HEG1: variants seen among roughly 807,000 people sequenced by gnomAD.
The protein encoded by HEG1 is protein HEG homolog 1.
A neutral mutation model predicts 125.6 loss-of-function variants in HEG1; 56 were observed. The observed-to-expected ratio is 0.45, with a 90% confidence interval of 0.36 to 0.56. HEG1 has a LOEUF of 0.56. HEG1 is among the 20% of genes least tolerant of loss of function. The probability of loss-of-function intolerance (pLI) is 0.00; values close to 1 mark genes in which losing one functional copy is unlikely to be tolerated. For synonymous variants in HEG1, 644 were observed against 668.5 expected (o/e 0.96, Z 0.57); for missense variants, 1,523 against 1,670.0 (o/e 0.91, Z 1.53).
chr3:124,977,794 AC>A, intron 15 of HEG1, 64 bp downstream of exon 15: 1 of 1,037,618 alleles, frequency 9.6e-7, no homozygotes, highest in South Asian at 1.4e-5. Context: ...GTAAAAGAAT[AC>A]AAACTGACCC....
chr3:124,997,255 C>G (rs1422450815), intron 12 of HEG1, among the ~76,000 whole-genome samples: 2 of 152,162 alleles, frequency 1.3e-5, no homozygotes, highest in Admixed American at 6.5e-5. Context: ...CAAGGTGATA[C>G]ATGATCAGTG....
At chr3:125,024,610 A>G (rs756374690) in intron 3 of HEG1, among the ~76,000 whole-genome samples, 6 of 152,262 alleles carry the variant, frequency 3.9e-5, no homozygotes, top group Non-Finnish European at 5.9e-5. Flanking sequence ...CTCTTTTTAA[A>G]AATCTGATTC....
chr3:124,985,156 G>A (rs1205365382), intron 14 of HEG1, among the ~76,000 whole-genome samples: 5 of 152,058 alleles, frequency 3.3e-5, no homozygotes, highest in Non-Finnish European at 4.4e-5. Context: ...ATTCAGATTC[G>A]GATTCAGTGG....
chr3:125,030,380 G>T (rs1937480643), intron 1 of HEG1, among the ~76,000 whole-genome samples: 1 of 152,204 alleles, frequency 6.6e-6, no homozygotes, highest in African/African-American at 2.4e-5. Flanking sequence ...TGTGGACAAA[G>T]ATTTAGCTGC....
rs1937460542 is a variant in HEG1 at position 125,029,232 on chromosome 3, C to G, written c.573G>C (p.Glu191Asp). The change falls in exon 2 of 17, where the codon GAG becomes GAC. Residue 191 changes from glutamate (E) to aspartate (D), a missense_variant. Glu to Asp is a conservative substitution (Grantham distance 45). Coordinates refer to ENST00000311127, the MANE Select transcript of HEG1 (RefSeq NM_020733.2). Reference sequence around the variant, plus strand: ...TCTGGGAAGTCAGAGCTGTTGCTATCTCCAGTGAGTACCCAACAGGCAAAA... The same window carrying G: ...TCTGGGAAGTCAGAGCTGTTGCTATGTCCAGTGAGTACCCAACAGGCAAAA... Reference protein sequence around the residue: ...FTILPVGYSLEIATALTSQSG... With the variant: ...FTILPVGYSLDIATALTSQSG... 6.2e-7 allele frequency: 1 copy of G among 1,613,242 alleles called. No individual in the cohort carries two copies. The highest frequency in any genetic ancestry group is 8.5e-7 in the Non-Finnish European group (1 of 1,179,668).
At position 124,967,456 on chromosome 3, in the gene HEG1, CA is replaced by C. The variant is rs1423487733; in HGVS notation, c.*3195del. Reference sequence around the variant, plus strand: ...AGCACATTTTCAAAAGGGTAGTCAGCATTTTTTTTTTTTTTTTTTTGCATTT... The same window carrying C: ...AGCACATTTTCAAAAGGGTAGTCAGCTTTTTTTTTTTTTTTTTTTGCATTT... On this transcript the variant is annotated 3_prime_UTR_variant, in exon 17 of 17. Transcript: ENST00000311127. The C allele has an allele frequency of 8.4e-5, 9 of 106,630 alleles. No individual in the cohort carries two copies. Among genetic ancestry groups the C allele is most frequent in the African/African-American group, 7.4e-5 (2 of 26,880 alleles). The allele number at this position is 106,630 out of a possible 1,614,324, so 6.6% of individuals were successfully genotyped here. A position where few individuals can be genotyped will look rare whatever the true frequency, so the allele number is the denominator to read the frequency against.
chr3:125,019,922 C>T (rs1937310788), intron 4 of HEG1, among the ~76,000 whole-genome samples: 1 of 152,080 alleles, frequency 6.6e-6, no homozygotes, highest in Non-Finnish European at 1.5e-5. Context: ...TGGTTATGTA[C>T]AACAAATACA....
rs1937125715 is a variant in HEG1 at position 125,009,833 on chromosome 3, G to A, written c.3074-9C>T. 6 of 1,604,548 alleles carry A rather than the reference G, an allele frequency of 3.7e-6. No individual in the cohort carries two copies. The highest frequency in any genetic ancestry group is 5.1e-6 in the Non-Finnish European group (6 of 1,174,458). ...CAGGCACTCATTCACATCTGTAGAG[G>A]AGAAAAAAGAAGAACATCTTGCATC... On this transcript the variant is annotated splice_polypyrimidine_tract_variant and intron_variant, in intron 7 of 16. Coordinates refer to ENST00000311127, the MANE Select transcript of HEG1 (RefSeq NM_020733.2).
At chr3:125,016,387 C>T (rs773498519) in intron 5 of HEG1, among the ~76,000 whole-genome samples, 2 of 152,134 alleles carry the variant, frequency 1.3e-5, no homozygotes, top group Non-Finnish European at 2.9e-5. Flanking sequence ...TATAAATGAA[C>T]TCCAAGATCT....
At chr3:124,986,150 G>T (rs1363987561) in intron 14 of HEG1, among the ~76,000 whole-genome samples, 1 of 152,210 alleles carries the variant, frequency 6.6e-6, no homozygotes, top group Admixed American at 6.5e-5. Context: ...AACTTTTGAG[G>T]GGTGGGACAT....
chr3:125,033,304 T>C (rs374798666), intron 1 of HEG1, among the ~76,000 whole-genome samples: 1 of 152,190 alleles, frequency 6.6e-6, no homozygotes, highest in Admixed American at 6.5e-5. Context: ...TCAACATTTG[T>C]GACCTTGAAT....
chr3:124,982,762 C>T (rs558185895), intron 14 of HEG1, among the ~76,000 whole-genome samples: 174 of 152,280 alleles, frequency 1.1e-3, no homozygotes, highest in Non-Finnish European at 2.0e-3. Context: ...CATCTGCAGC[C>T]GGGGGTGGGC....
Position 125,014,743 on chromosome 3 carries a change from G to A in HEG1, c.1589-753C>T, listed in dbSNP as rs776943168. The A allele has an allele frequency of 6.2e-5, 80 of 1,282,820 alleles. 1 individual carries two copies. Among genetic ancestry groups the A allele is most frequent in the Middle Eastern group, 2.2e-4 (1 of 4,642 alleles). The allele number at this position is 1,282,820 out of a possible 1,614,324, so 79.5% of individuals were successfully genotyped here. A position where few individuals can be genotyped will look rare whatever the true frequency, so the allele number is the denominator to read the frequency against. On this transcript the variant is annotated intron_variant, in intron 5 of 16. Transcript: ENST00000311127. ...AGTGCACTGGAGGCGGCCAGTGACCGTGAGACCAGGCCCATGTCGTCCGTC... is the reference window on the plus strand; with the variant it reads ...AGTGCACTGGAGGCGGCCAGTGACCATGAGACCAGGCCCATGTCGTCCGTC...
chr3:124,991,367 C>G (rs1437238522), intron 12 of HEG1, among the ~76,000 whole-genome samples: 1 of 152,082 alleles, frequency 6.6e-6, no homozygotes, highest in Non-Finnish European at 1.5e-5. Context: ...TCAGGCTTGT[C>G]TCGAACTCCT....
At chr3:125,038,587 G>A (rs1937567675) in intron 1 of HEG1, among the ~76,000 whole-genome samples, 2 of 152,208 alleles carry the variant, frequency 1.3e-5, no homozygotes, top group African/African-American at 4.8e-5. Flanking sequence ...TGGGGACAAT[G>A]GGTCAAATGC....
intron 1 of HEG1, among the ~76,000 whole-genome samples, chr3:125,053,559 T>C (rs1937863023): frequency 6.6e-6 from 1 of 152,182 alleles, no homozygotes; most frequent in East Asian, 1.9e-4. Flanking sequence ...ACTCCTTGGG[T>C]GGTGTCTGTG....
In HEG1 at chr3:125,002,248, G is replaced by A. The variant is rs924321567; in HGVS notation, c.3356+9C>T. 4.3e-6 allele frequency: 7 copies of A among 1,609,238 alleles called. No homozygotes were observed. The highest frequency in any genetic ancestry group is 6.0e-6 in the Non-Finnish European group (7 of 1,176,340). ...CTAGTTCACAAGCAAATATAATTCT[G>A]TTACTTACCTAGAGGCGTGAACTGT... is the stretch of plus-strand genomic sequence containing the variant. On this transcript the variant is annotated intron_variant, in intron 10 of 16. Transcript: ENST00000311127.
Position 125,013,661 on chromosome 3 carries a change from T to C in HEG1, c.1918A>G (p.Ile640Val), listed in dbSNP as rs754849886. Residue 640 changes from isoleucine to valine, a missense_variant, in exon 6 of 17, where the codon ATT becomes GTT. By Grantham distance (29) the Ile-to-Val change is conservative. Coordinates refer to ENST00000311127, the MANE Select transcript of HEG1 (RefSeq NM_020733.2). ...TSNLPSYTPT[I>V]NMPNTSVVLD... is the part of the protein sequence containing the mutation. Reference sequence around the variant, plus strand: ...ACAACCGAAGTGTTCGGCATATTAATGGTGGGTGTGTAGGACGGAAGGTTG... The same window carrying C: ...ACAACCGAAGTGTTCGGCATATTAACGGTGGGTGTGTAGGACGGAAGGTTG... 1 of 1,613,510 alleles carries C rather than the reference T, an allele frequency of 6.2e-7. No individual in the cohort carries two copies. Among genetic ancestry groups the C allele is most frequent in the South Asian group, 1.1e-5 (1 of 90,974 alleles).
At chr3:125,018,864 C>CTTT (rs755310479) in intron 5 of HEG1, among the ~76,000 whole-genome samples, 12 of 119,576 alleles carry the variant, frequency 1.0e-4, no homozygotes, top group African/African-American at 2.3e-4. Flanking sequence ...TTCATGCATG[C>CTTT]TTTTTTTTTT....
Sources: allele counts gnomAD v4.1 joint callset (sites outside exome capture counted in the v4.1 genomes callset), GRCh38; gene constraint gnomAD v4.1.1; transcripts MANE v1.5; gene names NCBI Gene and HGNC (gene_info 2026-07-23, HGNC 2026-07-21).